Variants in ZACN observed in about 807,000 individuals in gnomAD.
ZACN encodes zinc activated ion channel, also known as ligand-gated cation channel ZACN.
In ZACN, 52 loss-of-function variants were observed where a neutral mutation model predicts 38.9. The ratio of observed to expected loss-of-function variants is 1.34; its 90% CI spans 1.07 to 1.68. The LOEUF is 1.68. ZACN is among the 40% of genes most tolerant of loss of function. The pLI is 0.00. For missense variants in ZACN, 559 were observed against 525.6 expected (o/e 1.06, Z -0.62); for synonymous variants, 235 against 227.4 (o/e 1.03, Z -0.30).
intron 6 of ZACN, 64 bp from the exon 7 acceptor site, chr17:76,081,481 C>A: frequency 6.2e-7 from 1 of 1,610,144 alleles, no homozygotes; most frequent in African/African-American, 1.3e-5. Flanking sequence ...GAGGCCAGGC[C>A]CCATGCCCCC....
Position 76,079,538 on chromosome 17 carries a change from T to G in ZACN, c.197T>G (p.Val66Gly). Residue 66 changes from valine to glycine, a missense_variant, in exon 2 of 9, where the codon GTG (valine) becomes GGG (glycine). Val to Gly is a moderately radical substitution (Grantham distance 109). Coordinates refer to ENST00000334586, the MANE Select transcript of ZACN (RefSeq NM_180990.4). ...GCGCCCCTGCTCGTGGATGTGCGGG[T>G]GTTTGTCTCCAACGTGTTTAATGTG... ...GSAPLLVDVRVFVSNVFNVDI... is the reference protein window; with the variant it reads ...GSAPLLVDVRGFVSNVFNVDI... 6 of 1,614,056 alleles carry G rather than the reference T, an allele frequency of 3.7e-6. No individual in the cohort carries two copies. Among genetic ancestry groups the G allele is most frequent in the Non-Finnish European group, 5.1e-6 (6 of 1,179,910 alleles).
rs747521334 is a variant in ZACN, at chr17:76,082,038, A to G, written c.1037A>G (p.His346Arg). 1 of 1,608,310 alleles carries G rather than the reference A, an allele frequency of 6.2e-7. No individual in the cohort carries two copies. The highest frequency in any genetic ancestry group is 8.5e-7 in the Non-Finnish European group (1 of 1,178,066). Reference sequence around the variant, plus strand: ...CGAGAGCACGGCAACCCAGGGCCTCATCCTGCTGAAGGTGGGCAGGGGCTG... The same window carrying G: ...CGAGAGCACGGCAACCCAGGGCCTCGTCCTGCTGAAGGTGGGCAGGGGCTG... ...EQREHGNPGPHPAEEPSRGVK... is the reference protein window; with the variant it reads ...EQREHGNPGPRPAEEPSRGVK... The change falls in exon 8 of 9, where the codon CAT (histidine) becomes CGT (arginine). Residue 346 changes from histidine (H) to arginine (R), a missense_variant. Coordinates refer to ENST00000334586, the MANE Select transcript of ZACN (RefSeq NM_180990.4).
intron 5 of ZACN, chr17:76,081,058 T>A: frequency 1.8e-6 from 1 of 547,442 alleles, no homozygotes; most frequent in Non-Finnish European, 3.3e-6. Flanking sequence ...TGAAAGCTCA[T>A]CTATGAATCT....
chr17:76,079,646 GCTGCGTT>G (rs1209494338), intron 2 of ZACN, 49 bp from the exon 3 acceptor site: 2 of 1,611,128 alleles, frequency 1.2e-6, no homozygotes, highest in African/African-American at 2.7e-5. Context: ...GGGGTCTCCT[GCTGCGTT>G]CTTTCAACAC....
rs1380057624 is a variant in ZACN at position 76,081,874 on chromosome 17, TC to T, written c.881-3del. The T allele has an allele frequency of 2.5e-6, 4 of 1,607,922 alleles. No individual in the cohort carries two copies. The African/African-American group carries it at 5.4e-5, about 22-fold the overall frequency. On this transcript the variant is annotated splice_region_variant and splice_polypyrimidine_tract_variant and intron_variant, in intron 7 of 8. Coordinates refer to ENST00000334586, the MANE Select transcript of ZACN (RefSeq NM_180990.4). ...CCTGAGCATCTCCCTGTGCCCTGCC[TC>T]CCCCAGTTTACTACTTCACCATCCT... is the stretch of plus-strand genomic sequence containing the variant.
chr17:76,080,860 G>A (rs1008920648), intron 5 of ZACN: 2 of 470,394 alleles, frequency 4.3e-6, no homozygotes, highest in African/African-American at 4.0e-5. Context: ...CCACCTGAAG[G>A]TGCAGCCACC....
chr17:76,080,308 G>A lies in ZACN; in HGVS notation c.428G>A (p.Gly143Asp). Residue 143 changes from glycine to aspartate, a missense_variant, in exon 5 of 9, where the codon GGC (glycine) becomes GAC (aspartate). By Grantham distance (94) the Gly-to-Asp change is moderately conservative (BLOSUM62 -1). Transcript: ENST00000334586. ...CCCCAGGCTCGAGTAGACCAGGACG[G>A]CCACGTGAAGCTCAACCTGGCCCTC... ...QSPQARVDQD[G>D]HVKLNLALAT... 6.2e-7 allele frequency: 1 copy of A among 1,613,796 alleles called. No homozygotes were observed. The highest frequency in any genetic ancestry group is 8.5e-7 in the Non-Finnish European group (1 of 1,179,860).
chr17:76,081,516 C>T (rs764238220), intron 6 of ZACN, 29 bp from the exon 7 acceptor site: 25 of 1,611,058 alleles, frequency 1.6e-5, no homozygotes, highest in South Asian at 6.6e-5. Context: ...TCCCCCCCGC[C>T]GGGAAGGCCC....
chr17:76,080,177 G>C, intron 4 of ZACN, 78 bp from the exon 5 acceptor site: 1 of 1,513,778 alleles, frequency 6.6e-7, no homozygotes, highest in Non-Finnish European at 8.9e-7. Flanking sequence ...GCTGGGGTTG[G>C]GGTTGGGATG....
rs1567949134 is a variant in ZACN at position 76,081,740 on chromosome 17, T to TGCAACC, written c.866_871dup (p.Asn290_Pro291insArgAsn). Reference sequence around the variant, plus strand: ...GCAGGCCCTGCCCAGCTCCTCCTCCTGCAACCCACTGCTCAGTAAGCCCTG... The same window carrying TGCAACC: ...GCAGGCCCTGCCCAGCTCCTCCTCCTGCAACCGCAACCCACTGCTCAGTAAGCCCTG... On this transcript the variant is annotated inframe_insertion, in exon 7 of 9. Transcript: ENST00000334586. The TGCAACC allele has an allele frequency of 6.2e-7, 1 of 1,613,914 alleles. No individual in the cohort carries two copies. The highest frequency in any genetic ancestry group is 8.5e-7 in the Non-Finnish European group (1 of 1,179,978).
chr17:76,079,399 G>A, intron 1 of ZACN, 38 bp downstream of exon 1: 1 of 1,614,056 alleles, frequency 6.2e-7, no homozygotes. Flanking sequence ...TGGGACTTGG[G>A]CCCTAGGGCA....
rs770527890 is a variant in ZACN, at chr17:76,081,321, G to C, written c.588G>C (p.Val196=). The C allele has an allele frequency of 1.9e-6, 3 of 1,614,038 alleles. No individual in the cohort carries two copies. The highest frequency in any genetic ancestry group is 2.5e-6 in the Non-Finnish European group (3 of 1,180,034). ...AGGCCCACGTGGTGAACGAGATTGT[G>C]AGTGTCAAGAGGGAATACGTAGTTT... ...EFQAHVVNEI[V]SVKREYVVYD... Residue 196 remains valine, a synonymous_variant, in exon 6 of 9, where the codon GTG becomes GTC. Transcript: ENST00000334586.
intron 2 of ZACN, 22 bp from the exon 3 acceptor site, chr17:76,079,677 AGGT>A: frequency 3.1e-6 from 5 of 1,612,370 alleles, no homozygotes; most frequent in Non-Finnish European, 4.2e-6. Context: ...GCTCACCCTG[AGGT>A]GATGCATTGC....
chr17:76,081,812 C>T (rs1480991157), intron 7 of ZACN, 57 bp downstream of exon 7: 5 of 1,611,696 alleles, frequency 3.1e-6, no homozygotes, highest in Non-Finnish European at 4.2e-6. Context: ...CCCACTGGTG[C>T]TCAGCTCGCT....
Position 76,079,519 on chromosome 17 carries a change from C to T in ZACN, c.178C>T (p.Leu60=). The change falls in exon 2 of 9, where the codon CTG becomes TTG. Residue 60 remains leucine, a synonymous_variant. Coordinates refer to ENST00000334586, the MANE Select transcript of ZACN (RefSeq NM_180990.4). ...IQIPNNGSAP[L]LVDVRVFVSN... ...GATCCCGAACAATGGGAGTGCGCCC[C>T]TGCTCGTGGATGTGCGGGTGTTTGT... The T allele has an allele frequency of 6.2e-7, 1 of 1,614,220 alleles. No homozygotes were observed. Among genetic ancestry groups the T allele is most frequent in the Non-Finnish European group, 8.5e-7 (1 of 1,180,042 alleles).
At chr17:76,080,189 C>G (rs535148055) in intron 4 of ZACN, 66 bp from the exon 5 acceptor site, 5 of 1,531,682 alleles carry the variant, frequency 3.3e-6, no homozygotes, top group Middle Eastern at 1.8e-4. Flanking sequence ...GTTGGGATGC[C>G]AGGGTCTCCC....
intron 5 of ZACN, 80 bp downstream of exon 5, chr17:76,080,504 G>A (rs1378964101): frequency 6.4e-7 from 1 of 1,572,478 alleles, no homozygotes; most frequent in East Asian, 2.3e-5. Flanking sequence ...CTGTGGTGCA[G>A]GGGCAGGGTG....
Position 76,079,596 on chromosome 17 carries a change from T to C in ZACN, c.222+33T>C, listed in dbSNP as rs533364817. Reference sequence around the variant, plus strand: ...CCTCTAGGCCAAGGGCCCCAAGTGCTGAGCTGGGCAGGGAACAGGACTCAG... The same window carrying C: ...CCTCTAGGCCAAGGGCCCCAAGTGCCGAGCTGGGCAGGGAACAGGACTCAG... On this transcript the variant is annotated intron_variant, in intron 2 of 8. Transcript: ENST00000334586. 17 of 1,613,960 alleles carry C rather than the reference T, an allele frequency of 1.1e-5. 1 individual carries two copies. In the South Asian group the frequency reaches 1.3e-4, roughly 13 times the overall value.
chr17:76,081,555 A>C lies in ZACN; in HGVS notation c.680A>C (p.Lys227Thr). The change falls in exon 7 of 9, where the codon AAG becomes ACG. Residue 227 changes from lysine to threonine, a missense_variant. Transcript: ENST00000334586. The stretch of plus-strand genomic sequence containing the variant: ...CTTTTCCCCTTCCAGCTGAGGCTGA[A>C]GAACACGGCGCTCAAGTCCATCATC... ...VPCFQVTLRL[K>T]NTALKSIIAL... 6.2e-7 allele frequency: 1 copy of C among 1,613,556 alleles called. No individual in the cohort carries two copies. Among genetic ancestry groups the C allele is most frequent in the East Asian group, 2.2e-5 (1 of 44,882 alleles).
Sources: gnomAD v4.1 joint callset for allele counts on GRCh38, gnomAD v4.1.1 for gene constraint, MANE v1.5 for transcripts, NCBI Gene and HGNC (gene_info 2026-07-23, HGNC 2026-07-21) for gene names.